The following DLG2 variants were observed in gnomAD, a reference collection of about 807,000 sequenced individuals.
DLG2 encodes discs large MAGUK scaffold protein 2, also known as disks large homolog 2.
Under a neutral mutation model 132.5 loss-of-function variants are expected in DLG2, and 45 were observed. The ratio of observed to expected loss-of-function variants is 0.34; its 90% confidence interval spans 0.27 to 0.44. The LOEUF (loss-of-function observed/expected upper bound fraction) is 0.44. DLG2 is among the 20% of genes least tolerant of loss of function. DLG2 has a pLI of 1.00. For synonymous variants in DLG2, 424 were observed against 419.6 expected, an observed-to-expected ratio of 1.01 and a Z score of -0.13; for missense variants, 1,045 against 1,196.9, an observed-to-expected ratio of 0.87 and a Z score of 1.87.
intron 5 of DLG2, among the ~76,000 whole-genome samples, chr11:85,113,971 G>A (rs2073167602): frequency 6.6e-6 from 1 of 151,886 alleles, no homozygotes; most frequent in South Asian, 2.1e-4. Flanking sequence ...TGCTAGCAAA[G>A]ATCCACAACC....
intron 19 of DLG2, among the ~76,000 whole-genome samples, chr11:83,586,607 G>A (rs6592129): frequency 0.027 from 4,056 of 152,282 alleles, 209 homozygotes; most frequent in African/African-American, 0.092. Context: ...TTAATAGCCA[G>A]TATTTATTGA....
chr11:84,674,138 T>C (rs1221517933), intron 6 of DLG2, among the ~76,000 whole-genome samples: 2 of 152,146 alleles, frequency 1.3e-5, no homozygotes, highest in African/African-American at 4.8e-5. Flanking sequence ...TGAGTGTCCT[T>C]CTAAATTTGT....
intron 2 of DLG2, among the ~76,000 whole-genome samples, chr11:85,615,541 T>C (rs889874247): frequency 9.2e-5 from 14 of 152,016 alleles, no homozygotes; most frequent in African/African-American, 3.4e-4. Context: ...AAAAATTGCA[T>C]CTTCAGCTAA....
chr11:83,976,395 G>A (rs1217002068), intron 12 of DLG2, among the ~76,000 whole-genome samples: 1 of 151,950 alleles, frequency 6.6e-6, no homozygotes, highest in African/African-American at 2.4e-5. Context: ...AATATGCAGA[G>A]TGTGGTACAG....
intron 3 of DLG2, among the ~76,000 whole-genome samples, chr11:85,483,834 C>T (rs569451631): frequency 1.3e-5 from 2 of 150,002 alleles, no homozygotes; most frequent in African/African-American, 4.9e-5. Flanking sequence ...ATCCCAGCTA[C>T]TCAGGAGGCT....
intron 3 of DLG2, among the ~76,000 whole-genome samples, chr11:85,460,094 C>A (rs764081929): frequency 6.6e-6 from 1 of 152,198 alleles, no homozygotes; most frequent in Non-Finnish European, 1.5e-5. Context: ...AGAGCACAGA[C>A]AGGGGGTGGC....
chr11:84,298,810 G>T (rs1249792131), intron 7 of DLG2, among the ~76,000 whole-genome samples: 2 of 152,176 alleles, frequency 1.3e-5, no homozygotes, highest in African/African-American at 4.8e-5. Flanking sequence ...AGATTTGGCT[G>T]GAGACTGCAT....
chr11:83,586,519 C>T (rs566357723), intron 19 of DLG2, among the ~76,000 whole-genome samples: 39 of 152,242 alleles, frequency 2.6e-4, no homozygotes, highest in African/African-American at 8.7e-4. Context: ...AAAATATCAG[C>T]GTATTAGGTT....
At chr11:83,997,986 T>G (rs1467025913) in intron 11 of DLG2, among the ~76,000 whole-genome samples, 1 of 151,032 alleles carries the variant, frequency 6.6e-6, no homozygotes, top group Admixed American at 6.6e-5. Context: ...ACAAAAAAAA[T>G]TAGCTGGGCA....
intron 5 of DLG2, among the ~76,000 whole-genome samples, chr11:85,129,661 A>T (rs1406592685): frequency 2.6e-5 from 4 of 152,188 alleles, no homozygotes; most frequent in African/African-American, 9.7e-5. Context: ...TTGTTCAAGG[A>T]TCTAAAACTA....
chr11:84,131,548 T>A (rs872511), intron 9 of DLG2, among the ~76,000 whole-genome samples: 30 of 151,794 alleles, frequency 2.0e-4, no homozygotes, highest in Middle Eastern at 3.4e-3. Flanking sequence ...TAGTGTTTAC[T>A]CTCAGTCAAG....
intron 19 of DLG2, among the ~76,000 whole-genome samples, chr11:83,606,060 A>T (rs2059294235): frequency 6.6e-6 from 1 of 152,146 alleles, no homozygotes; most frequent in Non-Finnish European, 1.5e-5. Flanking sequence ...GTCATCGGTG[A>T]TTCTTTGGTG....
chr11:84,783,864 T>C (rs1441687964), intron 6 of DLG2, among the ~76,000 whole-genome samples: 1 of 152,068 alleles, frequency 6.6e-6, no homozygotes, highest in Non-Finnish European at 1.5e-5. Flanking sequence ...TCAGTAAACA[T>C]ATATGTTAAG....
At chr11:85,457,359 C>G (rs1430513633) in intron 3 of DLG2, among the ~76,000 whole-genome samples, 1 of 152,140 alleles carries the variant, frequency 6.6e-6, no homozygotes, top group African/African-American at 2.4e-5. Context: ...CTCCTGAAGA[C>G]AGCATACCAT....
intron 3 of DLG2, among the ~76,000 whole-genome samples, chr11:85,456,655 T>C (rs1386119389): frequency 6.6e-6 from 1 of 152,216 alleles, no homozygotes; most frequent in East Asian, 1.9e-4. Context: ...CCAGAGATTC[T>C]TGTATGTTCT....
intron 6 of DLG2, among the ~76,000 whole-genome samples, chr11:84,911,835 T>C (rs2092086536): frequency 6.6e-6 from 1 of 152,212 alleles, no homozygotes; most frequent in African/African-American, 2.4e-5. Flanking sequence ...TTGTGATTGC[T>C]TTCCCAAGCA....
intron 15 of DLG2, among the ~76,000 whole-genome samples, chr11:83,912,402 C>T: frequency 6.6e-6 from 1 of 152,054 alleles, no homozygotes; most frequent in South Asian, 2.1e-4. Flanking sequence ...CAAAACTAAT[C>T]AGATGTTCAA....
At chr11:85,262,537 A>G (rs1306905842) in intron 4 of DLG2, among the ~76,000 whole-genome samples, 1 of 152,232 alleles carries the variant, frequency 6.6e-6, no homozygotes, top group African/African-American at 2.4e-5. Context: ...AGCAGGAGAC[A>G]AGATAAGGGT....
rs541288018 is a variant in DLG2, at chr11:85,400,541, G to A, written c.41-115176C>T. Among the ~76,000 whole-genome samples, 108 of 148,784 alleles carry A rather than the reference G, an allele frequency of 7.3e-4. 1 individual carries two copies. The East Asian group carries it at 0.015, about 20-fold the overall frequency. ...AGACTTGGAACCAACCCAAATGTCC[G>A]ACAATGATAGACTGGATTAAGAAAA... On this transcript the variant is annotated intron_variant, in intron 3 of 27. Transcript: ENST00000376104.
Sources: gnomAD v4.1 joint callset for allele counts (sites outside exome capture counted in the v4.1 genomes callset) on GRCh38, gnomAD v4.1.1 for gene constraint, MANE v1.5 for transcripts, NCBI Gene and HGNC (gene_info 2026-07-23, HGNC 2026-07-21) for gene names.